The following ZP3 variants were observed in gnomAD, a reference collection of about 807,000 sequenced individuals.
The protein encoded by ZP3 is zona pellucida sperm-binding protein 3.
ZP3 carries 21 observed loss-of-function variants against 35.6 expected under a neutral mutation model. That is an observed-to-expected ratio of 0.59 (90% confidence interval 0.42 to 0.85). ZP3 has a LOEUF of 0.85. ZP3 is among the 40% of genes least tolerant of loss of function. The probability of loss-of-function intolerance (pLI) is 0.00; values close to 1 mark genes in which losing one functional copy is unlikely to be tolerated. For synonymous variants in ZP3, 207 were observed against 214.5 expected (o/e 0.96, Z 0.31); for missense variants, 437 against 536.5 (o/e 0.81, Z 1.83).
intron 1 of ZP3, chr7:76,397,880 C>T (rs1563682818): frequency 2.7e-6 from 4 of 1,467,176 alleles, no homozygotes; most frequent in Non-Finnish European, 2.7e-6. Context: ...TGGCCTCTGC[C>T]CCCGTCCGCA....
At chr7:76,435,407 G>A (rs867934772) in intron 5 of ZP3, among the ~76,000 whole-genome samples, 1 of 152,364 alleles carries the variant, frequency 6.6e-6, no homozygotes, top group African/African-American at 2.4e-5. Flanking sequence ...CGCCTGCCTC[G>A]GTCTCCCAAA....
chr7:76,415,491 TTTTA>T (rs1563692189), intron 1 of ZP3, among the ~76,000 whole-genome samples: 3 of 151,652 alleles, frequency 2.0e-5, no homozygotes, highest in African/African-American at 4.8e-5. Context: ...TTATTTTATT[TTTTA>T]TTTATTTATT....
intron 4 of ZP3, 101 bp downstream of exon 4, chr7:76,433,748 G>C: frequency 7.6e-7 from 1 of 1,307,212 alleles, no homozygotes; most frequent in Non-Finnish European, 1.1e-6. Context: ...ACCCAGGCTG[G>C]AATACAGAGG....
upstream of ZP3, among the ~76,000 whole-genome samples, chr7:76,424,262 T>G (rs1188794627): frequency 6.6e-6 from 1 of 152,132 alleles, no homozygotes; most frequent in Non-Finnish European, 1.5e-5. Context: ...TACATTGTGG[T>G]GCACCAGGCA....
upstream of ZP3, among the ~76,000 whole-genome samples, chr7:76,424,705 T>A (rs1437386673): frequency 6.6e-6 from 1 of 152,114 alleles, no homozygotes; most frequent in Non-Finnish European, 1.5e-5. Flanking sequence ...AAAAAAACTT[T>A]AATGTGGATA....
intron 5 of ZP3, among the ~76,000 whole-genome samples, chr7:76,437,325 A>G (rs572603432): frequency 1.4e-3 from 213 of 152,132 alleles, no homozygotes; most frequent in African/African-American, 4.8e-3. Context: ...TAGGCACTCA[A>G]TCACCACGCC....
intron 1 of ZP3, among the ~76,000 whole-genome samples, chr7:76,407,020 G>A (rs1382838005): frequency 3.3e-5 from 5 of 152,238 alleles, no homozygotes; most frequent in African/African-American, 7.2e-5. Context: ...TAGTGCAGTG[G>A]CCTGATCTCA....
At chr7:76,423,029 A>AGAGAGAGAGAGAGAGAGAGAGAGAG (rs767704641), upstream of ZP3, among the ~76,000 whole-genome samples, 2 of 55,534 alleles carry the variant, frequency 3.6e-5, no homozygotes, top group Non-Finnish European at 7.2e-5. Context: ...GAGAGAGAGA[A>AGAGAGAGAGAGAGAGAGAGAGAGAG]AGAAAGAAAG....
rs1366983523 is a variant in ZP3, at chr7:76,434,720, G to C, written c.831+565G>C. Among the ~76,000 whole-genome samples, 3 of 148,842 alleles carry C rather than the reference G, an allele frequency of 2.0e-5. No individual in the cohort carries two copies. The Admixed American group carries it at 2.0e-4, about 10-fold the overall frequency. On this transcript the variant is annotated intron_variant, in intron 5 of 7. Transcript: ENST00000394857. ...AAAACCAGTGTGAACTTCGTAGCCA[G>C]GGTGGCTTCTTGAACTTGGTCATAG...
chr7:76,426,048 A>G (rs898718605), intron 1 of ZP3, among the ~76,000 whole-genome samples: 1 of 149,448 alleles, frequency 6.7e-6, no homozygotes, highest in African/African-American at 2.5e-5. Flanking sequence ...GTGCCACTGC[A>G]CTCCAGCCTA....
chr7:76,406,815 C>A (rs1805050466), intron 1 of ZP3, among the ~76,000 whole-genome samples: 1 of 151,812 alleles, frequency 6.6e-6, no homozygotes, highest in South Asian at 2.1e-4. Flanking sequence ...GGCCTTTCCA[C>A]CCAAAATGGG....
At chr7:76,436,029 C>CA (rs1563703130) in intron 5 of ZP3, among the ~76,000 whole-genome samples, 3 of 128,100 alleles carry the variant, frequency 2.3e-5, no homozygotes, top group Non-Finnish European at 5.0e-5. Context: ...CCCCCCGCCC[C>CA]CTTTTTTTTT....
chr7:76,401,221 C>G (rs1201604895), intron 1 of ZP3, among the ~76,000 whole-genome samples: 1 of 152,054 alleles, frequency 6.6e-6, no homozygotes, highest in Non-Finnish European at 1.5e-5. Context: ...ATTGGCTTCC[C>G]TGCCTCACCC....
At chr7:76,420,782 C>T (rs1215079094), upstream of ZP3, among the ~76,000 whole-genome samples, 2 of 152,012 alleles carry the variant, frequency 1.3e-5, no homozygotes, top group Admixed American at 6.6e-5. Context: ...CACTAAGAAA[C>T]CTGTTTACCT....
At chr7:76,415,411 T>TATGA (rs1805345735) in intron 1 of ZP3, among the ~76,000 whole-genome samples, 1 of 128,754 alleles carries the variant, frequency 7.8e-6, no homozygotes, top group Admixed American at 7.7e-5. Flanking sequence ...AACTATTAAC[T>TATGA]ATGACAACTA....
exon 1 of ZP3, chr7:76,397,711 C>A (rs1020834453): frequency 4.3e-6 from 7 of 1,613,462 alleles, no homozygotes; most frequent in South Asian, 1.1e-5. Context: ...GACGACAGAC[C>A]ACAGCGGCAT....
At chr7:76,430,299 G>A (rs1341520658) in intron 2 of ZP3, among the ~76,000 whole-genome samples, 2 of 152,212 alleles carry the variant, frequency 1.3e-5, no homozygotes, top group Non-Finnish European at 2.9e-5. Context: ...CAAGCCCCTG[G>A]CATCAAGCAC....
chr7:76,440,160 T>C, intron 5 of ZP3, 90 bp from the exon 6 acceptor site: 5 of 1,482,638 alleles, frequency 3.4e-6, no homozygotes, highest in Middle Eastern at 4.7e-4. Context: ...TCTCACTCTT[T>C]AAAGGGTTGA....
intron 1 of ZP3, among the ~76,000 whole-genome samples, chr7:76,408,056 C>T (rs1263154543): frequency 1.3e-5 from 2 of 152,172 alleles, no homozygotes; most frequent in African/African-American, 2.4e-5. Flanking sequence ...ATCCATTTGG[C>T]TCCCAGCCAC....
Sources: allele counts gnomAD v4.1 joint callset (sites outside exome capture counted in the v4.1 genomes callset), GRCh38; gene constraint gnomAD v4.1.1; transcripts MANE v1.5; gene names NCBI Gene and HGNC (gene_info 2026-07-23, HGNC 2026-07-21).